CLVS2: variants seen among roughly 807,000 people sequenced by gnomAD.
CLVS2 encodes clavesin 2, also known as clavesin-2.
CLVS2 carries 19 observed loss-of-function variants against 29.0 expected under a neutral mutation model. The observed-to-expected ratio is 0.66, with a 90% CI of 0.46 to 0.96. The LOEUF (loss-of-function observed/expected upper bound fraction) is 0.96, where lower values mean the gene tolerates loss of function less well. Among genes scored for constraint, CLVS2 ranks in the 40% least tolerant of loss-of-function variants. The pLI, the probability that CLVS2 is intolerant of heterozygous loss-of-function variation, is 0.00. For synonymous variants in CLVS2, 161 were observed against 151.3 expected, an observed-to-expected ratio of 1.06 and a Z score of -0.47; for missense variants, 294 against 404.1, an observed-to-expected ratio of 0.73 and a Z score of 2.34.
Position 123,043,482 on chromosome 6 carries a change from A to G in CLVS2, c.565-5140A>G, listed in dbSNP as rs1441946356. ...CTATATGCCCTTTGCTATGGGGCCT[A>G]TAGTAGTTGAAGCTAAATGTTTCAA... is the stretch of plus-strand genomic sequence containing the variant. On this transcript the variant is annotated intron_variant, in intron 3 of 5. Transcript: ENST00000275162. Among the ~76,000 whole-genome samples the G allele has an allele frequency of 2.6e-5, 4 of 152,280 alleles. No individual in the cohort carries two copies. The East Asian group carries it at 7.7e-4, about 29-fold the overall frequency.
At chr6:123,042,541 A>G (rs1218515022) in intron 3 of CLVS2, among the ~76,000 whole-genome samples, 1 of 152,176 alleles carries the variant, frequency 6.6e-6, no homozygotes, top group East Asian at 1.9e-4. Context: ...TTATCTCTGT[A>G]TGAAGGATGA....
intron 3 of CLVS2, among the ~76,000 whole-genome samples, chr6:123,022,479 T>C (rs1409444315): frequency 6.6e-6 from 1 of 152,052 alleles, no homozygotes; most frequent in Non-Finnish European, 1.5e-5. Context: ...GCCACCATTT[T>C]TACCTTAGCA....
chr6:123,007,820 G>A (rs911982428), intron 2 of CLVS2, among the ~76,000 whole-genome samples: 8 of 152,126 alleles, frequency 5.3e-5, no homozygotes, highest in Non-Finnish European at 8.8e-5. Context: ...TTGATTTATA[G>A]CTTTCTTTCA....
At chr6:123,038,481 T>C (rs1775185086) in intron 3 of CLVS2, among the ~76,000 whole-genome samples, 1 of 152,172 alleles carries the variant, frequency 6.6e-6, no homozygotes, top group South Asian at 2.1e-4. Context: ...TTTTCTATTA[T>C]ACATATTTGT....
chr6:123,052,198 T>C (rs915760975), intron 4 of CLVS2, among the ~76,000 whole-genome samples: 2 of 152,212 alleles, frequency 1.3e-5, no homozygotes, highest in African/African-American at 4.8e-5. Context: ...GCTTCCCAGG[T>C]TGGGCAGGGT....
At chr6:123,019,144 A>G (rs941578375) in intron 3 of CLVS2, among the ~76,000 whole-genome samples, 4 of 152,076 alleles carry the variant, frequency 2.6e-5, no homozygotes, top group Admixed American at 6.6e-5. Context: ...GATGTGTTGC[A>G]CATCATTGCC....
chr6:123,049,252 A>G (rs1023178941), intron 4 of CLVS2, among the ~76,000 whole-genome samples: 2 of 152,140 alleles, frequency 1.3e-5, no homozygotes, highest in African/African-American at 4.8e-5. Flanking sequence ...TGTTACTTGA[A>G]GTCTCTTTAA....
intron 5 of CLVS2, among the ~76,000 whole-genome samples, chr6:123,063,226 CT>C (rs960358770): frequency 4.0e-5 from 6 of 151,472 alleles, no homozygotes; most frequent in Non-Finnish European, 5.9e-5. Flanking sequence ...ATTCTTGTTG[CT>C]TTTTTTTCAT....
chr6:123,010,977 G>T lies in CLVS2; in HGVS notation c.390-8G>T, dbSNP rs368798011. The T allele has an allele frequency of 2.1e-6, 3 of 1,452,202 alleles. No homozygotes were observed. Among genetic ancestry groups the T allele is most frequent in the Middle Eastern group, 1.8e-4 (1 of 5,412 alleles). 90.0% of individuals were successfully genotyped at this position (1,452,202 alleles called of 1,614,324 possible). On this transcript the variant is annotated splice_polypyrimidine_tract_variant and splice_region_variant and intron_variant, in intron 2 of 5. Coordinates refer to ENST00000275162, the MANE Select transcript of CLVS2 (RefSeq NM_001010852.4). The stretch of plus-strand genomic sequence containing the variant: ...AGACCTAATTTAGTACTTTTCTGTC[G>T]CCGATAGGTACACACTGGTGGATAT...
intron 3 of CLVS2, among the ~76,000 whole-genome samples, chr6:123,041,707 T>A (rs983520091): frequency 5.9e-5 from 9 of 152,310 alleles, no homozygotes; most frequent in Non-Finnish European, 1.0e-4. Flanking sequence ...TAGAGCATAT[T>A]CTGTTGACTA....
intron 3 of CLVS2, among the ~76,000 whole-genome samples, chr6:123,033,268 A>G (rs1385829924): frequency 6.6e-6 from 1 of 152,104 alleles, no homozygotes; most frequent in Admixed American, 6.6e-5. Flanking sequence ...TTTTTAATGT[A>G]CATAGTGAAA....
intron 3 of CLVS2, among the ~76,000 whole-genome samples, chr6:123,017,996 T>C (rs1774862087): frequency 6.6e-6 from 1 of 152,094 alleles, no homozygotes; most frequent in Admixed American, 6.6e-5. Context: ...TTCTACACCT[T>C]CAACCACTGA....
chr6:123,025,688 G>C (rs1247369411), intron 3 of CLVS2, among the ~76,000 whole-genome samples: 4 of 152,032 alleles, frequency 2.6e-5, no homozygotes, highest in Non-Finnish European at 5.9e-5. Flanking sequence ...TGTCCCCAGG[G>C]AACATAAGTA....
Position 123,032,937 on chromosome 6 carries a change from T to A in CLVS2, c.565-15685T>A, listed in dbSNP as rs148466435. On this transcript the variant is annotated intron_variant, in intron 3 of 5. Coordinates refer to ENST00000275162, the MANE Select transcript of CLVS2 (RefSeq NM_001010852.4). ...TTCTATAAATCCAGAGCAGCAAAGA[T>A]TTTTTGTTGTCTATTGTTTCTTTAT... Among the ~76,000 whole-genome samples the A allele has an allele frequency of 1.2e-3, 181 of 152,244 alleles. 2 individuals carry two copies. In the East Asian group the frequency reaches 0.025, roughly 21 times the overall value.
At position 123,055,787 on chromosome 6, in the gene CLVS2, C is replaced by T. The variant is rs376247051; in HGVS notation, c.676-19C>T. 194 of 1,555,510 alleles carry T rather than the reference C, an allele frequency of 1.2e-4. No homozygotes were observed. Among genetic ancestry groups the T allele is most frequent in the Middle Eastern group, 1.7e-4 (1 of 5,964 alleles). Reference sequence around the variant, plus strand: ...TTCCTCTGTGTCTTTCCCTTCCTCCCGTCTTCTTGCATTTATAGATATTTT... The same window carrying T: ...TTCCTCTGTGTCTTTCCCTTCCTCCTGTCTTCTTGCATTTATAGATATTTT... On this transcript the variant is annotated intron_variant, in intron 4 of 5. Coordinates refer to ENST00000275162, the MANE Select transcript of CLVS2 (RefSeq NM_001010852.4).
chr6:123,037,226 A>G (rs1031957183), intron 3 of CLVS2, among the ~76,000 whole-genome samples: 2 of 152,128 alleles, frequency 1.3e-5, no homozygotes, highest in African/African-American at 4.8e-5. Context: ...TGGTCTCTCA[A>G]CTAACCCAGA....
At chr6:123,010,352 G>GAAAAC (rs752685372) in intron 2 of CLVS2, among the ~76,000 whole-genome samples, 32 of 152,026 alleles carry the variant, frequency 2.1e-4, no homozygotes, top group Non-Finnish European at 3.5e-4. Context: ...GTGAAAAGCA[G>GAAAAC]AAAACAAAAC....
chr6:123,066,390 A>C lies in CLVS2; in HGVS notation c.*2629A>C, dbSNP rs1006642711. On this transcript the variant is annotated 3_prime_UTR_variant, in exon 6 of 6. Transcript: ENST00000275162. Reference sequence around the variant, plus strand: ...CACACACACACACTCTTACACACACACTAACACACTAGACTGTTTGCCCTA... The same window carrying C: ...CACACACACACACTCTTACACACACCCTAACACACTAGACTGTTTGCCCTA... 6.6e-6 allele frequency: 1 copy of C among 151,456 alleles called. No homozygotes were observed. The highest frequency in any genetic ancestry group is 2.4e-5 in the African/African-American group (1 of 41,304). The allele number at this position is 151,456 out of a possible 1,614,324, so 9.4% of individuals were successfully genotyped here.
At chr6:123,017,663 TGTAA>T (rs1306557070) in intron 3 of CLVS2, among the ~76,000 whole-genome samples, 1 of 152,126 alleles carries the variant, frequency 6.6e-6, no homozygotes, top group Non-Finnish European at 1.5e-5. Context: ...AGTAGGACGT[TGTAA>T]GTCTTTCTTA....
Sources: allele counts gnomAD v4.1 joint callset (sites outside exome capture counted in the v4.1 genomes callset), GRCh38; gene constraint gnomAD v4.1.1; transcripts MANE v1.5; gene names NCBI Gene and HGNC (gene_info 2026-07-23, HGNC 2026-07-21).